Variants in EPB41L2 observed in about 807,000 individuals in gnomAD.
EPB41L2 encodes the protein band 4.1-like protein 2.
A neutral mutation model predicts 113.0 loss-of-function variants in EPB41L2; 43 were observed. The observed-to-expected ratio is 0.38, with a 90% CI of 0.30 to 0.49. EPB41L2 has a LOEUF of 0.49. Among genes scored for constraint, EPB41L2 ranks in the 20% least tolerant of loss-of-function variants. EPB41L2 has a pLI of 0.95. For missense variants in EPB41L2, 1,147 were observed against 1,223.4 expected, an observed-to-expected ratio of 0.94 and a Z score of 0.93; for synonymous variants, 442 against 436.7, an observed-to-expected ratio of 1.01 and a Z score of -0.15.
At chr6:130,896,312 T>C (rs1415785544) in intron 8 of EPB41L2, among the ~76,000 whole-genome samples, 1 of 152,248 alleles carries the variant, frequency 6.6e-6, no homozygotes, top group Admixed American at 6.5e-5. Context: ...ATTGCTTTAC[T>C]CACCCTTATC....
intron 1 of EPB41L2, among the ~76,000 whole-genome samples, chr6:131,025,422 G>T (rs950019379): frequency 6.6e-6 from 1 of 151,990 alleles, no homozygotes; most frequent in Non-Finnish European, 1.5e-5. Context: ...AGATTTGATC[G>T]AGATCAGACA....
At chr6:130,893,262 A>G (rs1403845343) in intron 10 of EPB41L2, among the ~76,000 whole-genome samples, 2 of 152,218 alleles carry the variant, frequency 1.3e-5, no homozygotes, top group African/African-American at 4.8e-5. Context: ...ACAAAGCAGG[A>G]TAATTTAAGA....
chr6:130,898,019 T>TAA (rs1211858985), intron 8 of EPB41L2, among the ~76,000 whole-genome samples: 1 of 137,438 alleles, frequency 7.3e-6, no homozygotes. Context: ...AATAGTAAGT[T>TAA]AAAAAAAAAA....
intron 1 of EPB41L2, among the ~76,000 whole-genome samples, chr6:130,972,187 C>T (rs965053186): frequency 6.6e-6 from 1 of 151,780 alleles, no homozygotes; most frequent in Non-Finnish European, 1.5e-5. Context: ...GGCAGGGTGT[C>T]GTAGCGCATG....
chr6:130,890,355 A>G lies in EPB41L2; in HGVS notation c.1599T>C (p.Asp533=). Reference sequence around the variant, plus strand: ...TGCGCTCAAAGTGTGGTGCTGGCCTATCTATGAGGGTGCTGGCCTGGCGGG... The same window carrying G: ...TGCGCTCAAAGTGTGGTGCTGGCCTGTCTATGAGGGTGCTGGCCTGGCGGG... The part of the protein sequence containing the change: ...AQTRQASTLI[D]RPAPHFERTS... Residue 533 remains aspartate (D), a synonymous_variant, in exon 11 of 20, where the codon GAT becomes GAC. Coordinates refer to ENST00000337057, the MANE Select transcript of EPB41L2 (RefSeq NM_001431.4). The G allele has an allele frequency of 6.2e-7, 1 of 1,613,828 alleles. No individual in the cohort carries two copies. Among genetic ancestry groups the G allele is most frequent in the East Asian group, 2.2e-5 (1 of 44,866 alleles).
At chr6:130,888,167 A>G (rs1791639132) in intron 11 of EPB41L2, among the ~76,000 whole-genome samples, 1 of 152,216 alleles carries the variant, frequency 6.6e-6, no homozygotes, top group South Asian at 2.1e-4. Flanking sequence ...AAAGAAAATA[A>G]AAGCTCAGTG....
chr6:130,954,220 T>A (rs1235931201), intron 3 of EPB41L2, among the ~76,000 whole-genome samples: 1 of 150,588 alleles, frequency 6.6e-6, no homozygotes, highest in Non-Finnish European at 1.5e-5. Flanking sequence ...GCCTGGCTAA[T>A]TTTTTTGTAT....
intron 1 of EPB41L2, among the ~76,000 whole-genome samples, chr6:130,962,916 G>A: frequency 6.6e-6 from 1 of 152,110 alleles, no homozygotes; most frequent in East Asian, 1.9e-4. Flanking sequence ...CCACTGGTGG[G>A]CTTCTGGAAA....
intron 14 of EPB41L2, among the ~76,000 whole-genome samples, chr6:130,870,847 G>A (rs1211349560): frequency 1.3e-5 from 2 of 151,514 alleles, no homozygotes; most frequent in Non-Finnish European, 2.9e-5. Context: ...GTTTTAATTG[G>A]CAAAATTATA....
At chr6:130,873,645 T>C (rs1461509532) in intron 14 of EPB41L2, among the ~76,000 whole-genome samples, 1 of 152,194 alleles carries the variant, frequency 6.6e-6, no homozygotes, top group Non-Finnish European at 1.5e-5. Context: ...TTTATATTTT[T>C]AGTAGAGACG....
intron 1 of EPB41L2, among the ~76,000 whole-genome samples, chr6:131,046,509 AAACACC>A (rs1465752681): frequency 6.6e-6 from 1 of 152,222 alleles, no homozygotes; most frequent in Admixed American, 6.5e-5. Flanking sequence ...GATTCAGGAT[AAACACC>A]TACAAAAGTC....
chr6:130,892,403 C>CTTTGTTTTTTTTTTTTTTT (rs1793199594), intron 10 of EPB41L2, among the ~76,000 whole-genome samples: 1 of 92,640 alleles, frequency 1.1e-5, no homozygotes, highest in African/African-American at 3.5e-5. Flanking sequence ...CAGATTATTG[C>CTTTGTTTTTTTTTTTTTTT]TTTTTTTTTT....
At chr6:130,875,524 C>G (rs374491511) in intron 14 of EPB41L2, among the ~76,000 whole-genome samples, 3 of 152,284 alleles carry the variant, frequency 2.0e-5, no homozygotes, top group Admixed American at 2.0e-4. Context: ...CTCGTCCTTA[C>G]ACGTGGATAC....
intron 8 of EPB41L2, among the ~76,000 whole-genome samples, chr6:130,897,784 C>T (rs1474097428): frequency 3.3e-5 from 5 of 152,140 alleles, no homozygotes; most frequent in Non-Finnish European, 4.4e-5. Flanking sequence ...ATTTACCAGA[C>T]GGTATCAGGC....
intron 3 of EPB41L2, 127 bp downstream of exon 3, chr6:130,954,978 G>A: frequency 1.3e-6 from 1 of 797,082 alleles, no homozygotes; most frequent in Non-Finnish European, 2.1e-6. Flanking sequence ...CCACTTCAAT[G>A]TATTTTTTTT....
At chr6:130,852,904 CCTT>C (rs775833849) in intron 19 of EPB41L2, among the ~76,000 whole-genome samples, 1 of 152,140 alleles carries the variant, frequency 6.6e-6, no homozygotes, top group Non-Finnish European at 1.5e-5. Context: ...CCCCTTTACT[CCTT>C]CTTCACAGAG....
At chr6:130,850,720 T>A (rs1778547871) in intron 19 of EPB41L2, among the ~76,000 whole-genome samples, 1 of 152,132 alleles carries the variant, frequency 6.6e-6, no homozygotes, top group African/African-American at 2.4e-5. Flanking sequence ...AAAAAAACAA[T>A]AAAGATAGTT....
At chr6:131,041,337 C>T (rs1404610493) in intron 1 of EPB41L2, among the ~76,000 whole-genome samples, 1 of 152,088 alleles carries the variant, frequency 6.6e-6, no homozygotes, top group Non-Finnish European at 1.5e-5. Context: ...CAATAATCAC[C>T]GATGGCTGTT....
At position 130,884,683 on chromosome 6, in the gene EPB41L2, T is replaced by A. The variant is rs74701808; in HGVS notation, c.1833+413A>T. Among the ~76,000 whole-genome samples the A allele has an allele frequency of 3.3e-5, 5 of 152,372 alleles. No individual in the cohort carries two copies. In the East Asian group the frequency reaches 9.6e-4, roughly 29 times the overall value. ...GAGAATTTCATTAATTATAGATCAT[T>A]AATGAATACATTTGTTCATAAAGAT... On this transcript the variant is annotated intron_variant, in intron 12 of 19. Transcript: ENST00000337057.
Sources: allele counts gnomAD v4.1 joint callset (sites outside exome capture counted in the v4.1 genomes callset), GRCh38; gene constraint gnomAD v4.1.1; transcripts MANE v1.5; gene names NCBI Gene and HGNC (gene_info 2026-07-23, HGNC 2026-07-21).